Variants in CTNNA3 observed in about 807,000 individuals in gnomAD.
The protein encoded by CTNNA3 is catenin alpha 3.
CTNNA3 carries 76 observed loss-of-function variants against 95.7 expected under a neutral mutation model. The observed-to-expected ratio is 0.79, with a 90% confidence interval of 0.66 to 0.96. The LOEUF (loss-of-function observed/expected upper bound fraction) is 0.96. CTNNA3 is among the 40% of genes least tolerant of loss of function. The probability of loss-of-function intolerance (pLI) is 0.00; values close to 1 mark genes in which losing one functional copy is unlikely to be tolerated. For synonymous variants in CTNNA3, 431 were observed against 374.4 expected (o/e 1.15, Z -1.74); for missense variants, 1,191 against 1,089.8 (o/e 1.09, Z -1.31).
intron 13 of CTNNA3, among the ~76,000 whole-genome samples, chr10:66,158,152 AG>A (rs1736975583): frequency 1.3e-5 from 2 of 152,088 alleles, no homozygotes; most frequent in Admixed American, 6.6e-5. Context: ...GCCGTGCAAA[AG>A]CTCTTTAGTT....
Position 66,379,170 on chromosome 10 carries a change from T to C in CTNNA3, c.1714A>G (p.Asn572Asp), listed in dbSNP as rs1156365340. 6.2e-7 allele frequency: 1 copy of C among 1,613,920 alleles called. No homozygotes were observed. The highest frequency in any genetic ancestry group is 2.2e-5 in the East Asian group (1 of 44,888). ...AYTEGVMRNV[N>D]FLTSTVIPEF... ...GACTTACCAGTACTTGTAAGGAAGT[T>C]AACATTTCTCATTACACCTTCCGTG... The change falls in exon 12 of 18, where the codon AAC (asparagine) becomes GAC (aspartate). Residue 572 changes from asparagine (N) to aspartate (D), a missense_variant. Asn to Asp is a conservative substitution (Grantham distance 23, BLOSUM62 1). Transcript: ENST00000433211.
chr10:66,877,457 G>A lies in CTNNA3; in HGVS notation c.1048-101933C>T, dbSNP rs192426661. Among the ~76,000 whole-genome samples, 15 of 152,236 alleles carry A rather than the reference G, an allele frequency of 9.9e-5. No individual in the cohort carries two copies. The East Asian group carries it at 1.7e-3, about 18-fold the overall frequency. ...CTCCAGCTCTGATGCTGGCTCCAGC[G>A]TCTCTTTCACCAATGCCTGCTGCCT... On this transcript the variant is annotated intron_variant, in intron 7 of 17. Transcript: ENST00000433211.
In CTNNA3 at chr10:67,342,941, C is replaced by T. The variant is rs564688369; in HGVS notation, c.580-123071G>A. On this transcript the variant is annotated intron_variant, in intron 5 of 17. Transcript: ENST00000433211. ...ATGGCTTTGGCTGTTCTGGCTCTTT[C>T]GTGGTTCCACATAATTTTCCTTTTC... Among the ~76,000 whole-genome samples the T allele has an allele frequency of 2.6e-5, 4 of 151,918 alleles. No homozygotes were observed. The South Asian group carries it at 6.2e-4, about 24-fold the overall frequency.
chr10:66,458,299 G>T (rs981509818), intron 11 of CTNNA3, among the ~76,000 whole-genome samples: 1 of 152,072 alleles, frequency 6.6e-6, no homozygotes, highest in Admixed American at 6.5e-5. Flanking sequence ...AAGAATTATT[G>T]ATATACTCAA....
chr10:66,260,611 T>C (rs1250427702), intron 13 of CTNNA3, among the ~76,000 whole-genome samples: 1 of 152,112 alleles, frequency 6.6e-6, no homozygotes, highest in Admixed American at 6.6e-5. Flanking sequence ...TTAATTCCTA[T>C]GTCTTACCTA....
chr10:66,346,988 A>G (rs545729768), intron 12 of CTNNA3, among the ~76,000 whole-genome samples: 1 of 152,042 alleles, frequency 6.6e-6, no homozygotes, highest in Non-Finnish European at 1.5e-5. Flanking sequence ...GAAAAAAAAA[A>G]TGCCTCACAA....
intron 7 of CTNNA3, among the ~76,000 whole-genome samples, chr10:66,938,472 A>G (rs1201363742): frequency 6.6e-6 from 1 of 152,210 alleles, no homozygotes; most frequent in Non-Finnish European, 1.5e-5. Flanking sequence ...ATCATAAGGA[A>G]AAGAAAATAT....
chr10:66,999,377 GA>G (rs1468379844), intron 7 of CTNNA3, among the ~76,000 whole-genome samples: 1 of 152,036 alleles, frequency 6.6e-6, no homozygotes, highest in East Asian at 1.9e-4. Context: ...TGGGATTCCT[GA>G]AAAAAATATA....
intron 5 of CTNNA3, among the ~76,000 whole-genome samples, chr10:67,231,520 T>C (rs1865209473): frequency 6.6e-6 from 1 of 152,158 alleles, no homozygotes; most frequent in East Asian, 1.9e-4. Context: ...CAAAAACCCA[T>C]CTGTACATGA....
At chr10:67,656,322 A>G (rs747962404) in intron 1 of CTNNA3, among the ~76,000 whole-genome samples, 1 of 152,144 alleles carries the variant, frequency 6.6e-6, no homozygotes, top group Non-Finnish European at 1.5e-5. Context: ...AATATTTTTG[A>G]TGTGTTTACA....
chr10:67,585,483 GT>G (rs953676593), intron 3 of CTNNA3, among the ~76,000 whole-genome samples: 24 of 152,104 alleles, frequency 1.6e-4, no homozygotes, highest in East Asian at 7.7e-4. Flanking sequence ...TTTTGGGGGA[GT>G]TTTTTTATTA....
intron 5 of CTNNA3, among the ~76,000 whole-genome samples, chr10:67,519,287 C>A (rs1839912295): frequency 6.6e-6 from 1 of 152,016 alleles, no homozygotes; most frequent in South Asian, 2.1e-4. Flanking sequence ...GAAAATAAAA[C>A]CTAATGGATG....
chr10:67,459,948 T>C (rs576326706), intron 5 of CTNNA3, among the ~76,000 whole-genome samples: 1 of 152,300 alleles, frequency 6.6e-6, no homozygotes, highest in South Asian at 2.1e-4. Flanking sequence ...ATATTAACTT[T>C]CATTTTTATG....
chr10:66,164,724 C>G (rs918496743), intron 13 of CTNNA3, among the ~76,000 whole-genome samples: 1 of 152,078 alleles, frequency 6.6e-6, no homozygotes, highest in Non-Finnish European at 1.5e-5. Flanking sequence ...TGAAATTTGT[C>G]TTTATTCTAG....
At chr10:67,563,778 A>G (rs1486349518) in intron 3 of CTNNA3, among the ~76,000 whole-genome samples, 1 of 151,942 alleles carries the variant, frequency 6.6e-6, no homozygotes, top group Non-Finnish European at 1.5e-5. Flanking sequence ...TCGATAAAGA[A>G]CTTAAACAAA....
At chr10:67,716,768 G>A (rs940030747) in intron 1 of CTNNA3, among the ~76,000 whole-genome samples, 18 of 152,136 alleles carry the variant, frequency 1.2e-4, no homozygotes, top group East Asian at 1.2e-3. Context: ...TGTGAATAGC[G>A]CTGCAATAAA....
intron 9 of CTNNA3, among the ~76,000 whole-genome samples, chr10:66,623,148 C>G (rs1050792305): frequency 2.6e-5 from 4 of 152,110 alleles, no homozygotes; most frequent in Non-Finnish European, 5.9e-5. Flanking sequence ...AAACCCCAAT[C>G]ACTAAAAGTG....
rs1364964229 is a variant in CTNNA3, at chr10:67,686,730, G to A, written c.-6+9270C>T. 2.6e-5 allele frequency among the ~76,000 whole-genome samples: 4 copies of A among 152,224 alleles called. No individual in the cohort carries two copies. The East Asian group carries it at 7.7e-4, about 29-fold the overall frequency. ...CTACTATATCAATTTCCTTACTTAGGTATGTCACTGATTGTGGGGTTGTCC... is the reference window on the plus strand; with the variant it reads ...CTACTATATCAATTTCCTTACTTAGATATGTCACTGATTGTGGGGTTGTCC... On this transcript the variant is annotated intron_variant, in intron 1 of 17. Transcript: ENST00000433211.
At chr10:66,122,377 T>C (rs1224195871) in intron 13 of CTNNA3, among the ~76,000 whole-genome samples, 1 of 152,052 alleles carries the variant, frequency 6.6e-6, no homozygotes, top group South Asian at 2.1e-4. Flanking sequence ...GTAACATACA[T>C]TACATGTAAT....
Sources: gnomAD v4.1 joint callset for allele counts (sites outside exome capture counted in the v4.1 genomes callset) on GRCh38, gnomAD v4.1.1 for gene constraint, MANE v1.5 for transcripts, NCBI Gene and HGNC (gene_info 2026-07-23, HGNC 2026-07-21) for gene names.